STAG1: variants seen among roughly 807,000 people sequenced by gnomAD.
STAG1 encodes the protein STAG1 cohesin complex component, also known as cohesin subunit SA-1.
Under a neutral mutation model 170.9 loss-of-function variants are expected in STAG1, and 26 were observed. The observed-to-expected ratio is 0.15, with a 90% CI of 0.11 to 0.21. STAG1 has a LOEUF of 0.21. Among genes scored for constraint, STAG1 ranks in the 10% least tolerant of loss-of-function variants. The probability of loss-of-function intolerance (pLI) is 1.00; values close to 1 mark genes in which losing one functional copy is unlikely to be tolerated. For missense variants in STAG1, 964 were observed against 1,509.5 expected, an observed-to-expected ratio of 0.64 and a Z score of 5.99; for synonymous variants, 514 against 497.7, an observed-to-expected ratio of 1.03 and a Z score of -0.44.
chr3:136,563,286 G>A (rs1936916860), intron 5 of STAG1, among the ~76,000 whole-genome samples: 1 of 152,062 alleles, frequency 6.6e-6, no homozygotes, highest in African/African-American at 2.4e-5. Flanking sequence ...AGTTACGTTG[G>A]TTAGTAATTT....
chr3:136,555,947 C>A (rs1046938305), intron 5 of STAG1, among the ~76,000 whole-genome samples: 2 of 152,060 alleles, frequency 1.3e-5, no homozygotes, highest in Non-Finnish European at 2.9e-5. Flanking sequence ...GACAGGCAAT[C>A]TCACTGATAC....
chr3:136,341,726 G>C (rs959721595), intron 30 of STAG1, among the ~76,000 whole-genome samples, 175 bp from the exon 31 acceptor site: 1 of 152,202 alleles, frequency 6.6e-6, no homozygotes, highest in Non-Finnish European at 1.5e-5. Flanking sequence ...ATATCTGTAA[G>C]TCTCCAAGAG....
chr3:136,472,763 C>G (rs1399494756), intron 11 of STAG1, among the ~76,000 whole-genome samples: 2 of 152,126 alleles, frequency 1.3e-5, no homozygotes, highest in South Asian at 2.1e-4. Flanking sequence ...TTATAACAAG[C>G]TGTAAAGAAA....
At position 136,613,828 on chromosome 3, in the gene STAG1, G is replaced by A. The variant is rs72971469; in HGVS notation, c.132+9318C>T. On this transcript the variant is annotated intron_variant, in intron 3 of 33. Transcript: ENST00000383202. The stretch of plus-strand genomic sequence containing the variant: ...TTAATTTTTCTCCATTTGAATTACT[G>A]GCAATGATTCTCTCACCAGACTGGA... 7.7e-3 allele frequency among the ~76,000 whole-genome samples: 1,179 copies of A among 152,186 alleles called. 13 individuals carry two copies. Among genetic ancestry groups the A allele is most frequent in the African/African-American group, 0.027 (1,123 of 41,514 alleles).
intron 1 of STAG1, among the ~76,000 whole-genome samples, chr3:136,660,806 A>C (rs866590772): frequency 7.2e-5 from 11 of 152,034 alleles, no homozygotes; most frequent in Non-Finnish European, 1.3e-4. Flanking sequence ...AATCTCTAAA[A>C]AAAAAATAAA....
At chr3:136,659,638 C>G (rs1403635240) in intron 1 of STAG1, among the ~76,000 whole-genome samples, 1 of 152,196 alleles carries the variant, frequency 6.6e-6, no homozygotes, top group East Asian at 1.9e-4. Flanking sequence ...AAAGGAATGT[C>G]TGGTATTCTT....
At chr3:136,591,272 G>A (rs1487688692) in intron 4 of STAG1, among the ~76,000 whole-genome samples, 3 of 140,780 alleles carry the variant, frequency 2.1e-5, no homozygotes, top group Non-Finnish European at 3.1e-5. Flanking sequence ...GGGAGGAGGG[G>A]AGGAGGGAAG....
intron 22 of STAG1, among the ~76,000 whole-genome samples, chr3:136,395,279 C>T (rs977897727): frequency 5.9e-5 from 9 of 152,034 alleles, no homozygotes; most frequent in Non-Finnish European, 1.2e-4. Flanking sequence ...TCAAAGAAGT[C>T]GATTGAAGAA....
chr3:136,663,261 A>C (rs1331287745), intron 1 of STAG1, among the ~76,000 whole-genome samples: 2 of 152,170 alleles, frequency 1.3e-5, no homozygotes, highest in African/African-American at 4.8e-5. Context: ...GCTTAATATA[A>C]GCCAGGAACT....
chr3:136,455,072 A>G (rs368732377), intron 13 of STAG1, among the ~76,000 whole-genome samples: 1 of 152,226 alleles, frequency 6.6e-6, no homozygotes, highest in African/African-American at 2.4e-5. Flanking sequence ...TTTCATTTGC[A>G]TAAGAATTGG....
At chr3:136,507,267 CG>C (rs1355623437) in intron 7 of STAG1, among the ~76,000 whole-genome samples, 1 of 152,140 alleles carries the variant, frequency 6.6e-6, no homozygotes, top group African/African-American at 2.4e-5. Flanking sequence ...TTTAGAAAAA[CG>C]TAAGAAACTG....
chr3:136,693,294 C>A (rs978989893), intron 1 of STAG1, among the ~76,000 whole-genome samples: 1 of 152,158 alleles, frequency 6.6e-6, no homozygotes, highest in African/African-American at 2.4e-5. Context: ...CTGGTTGAGA[C>A]TGGTGGGGCT....
chr3:136,435,975 T>C (rs186732153), intron 15 of STAG1, among the ~76,000 whole-genome samples: 22 of 151,922 alleles, frequency 1.4e-4, no homozygotes, highest in Non-Finnish European at 1.8e-4. Context: ...GCCTGTTTTT[T>C]TTGAGACAGT....
At chr3:136,638,518 ATTTATT>A (rs1232081254) in intron 1 of STAG1, among the ~76,000 whole-genome samples, 5 of 152,218 alleles carry the variant, frequency 3.3e-5, no homozygotes, top group Non-Finnish European at 7.3e-5. Context: ...TTATGGATAT[ATTTATT>A]TTTAAGGAGA....
At chr3:136,683,819 C>A (rs771331454) in intron 1 of STAG1, among the ~76,000 whole-genome samples, 1 of 152,192 alleles carries the variant, frequency 6.6e-6, no homozygotes, top group South Asian at 2.1e-4. Flanking sequence ...GACCAAAAAA[C>A]TCTTTGAACT....
In STAG1 at chr3:136,541,538, T is replaced by TCACACACACACACACACACTCA. The variant is rs1473951429; in HGVS notation, c.471+580_471+581insTGAGTGTGTGTGTGTGTGTGTG. Among the ~76,000 whole-genome samples the TCACACACACACACACACACTCA allele has an allele frequency of 1.4e-3, 177 of 123,216 alleles. 3 individuals carry two copies. Among genetic ancestry groups the TCACACACACACACACACACTCA allele is most frequent in the Non-Finnish European group, 1.9e-3 (112 of 57,886 alleles). The allele number at this position is 123,216 out of a possible 152,430, so 80.8% of individuals were successfully genotyped here. A position where few individuals can be genotyped will look rare whatever the true frequency, so the allele number is the denominator to read the frequency against. On this transcript the variant is annotated intron_variant, in intron 6 of 33. Transcript: ENST00000383202. ...AGTATCCCAAATAGAAGCTTAACAT[T>TCACACACACACACACACACTCA]CACACACACACACACACACACACAC...
intron 6 of STAG1, among the ~76,000 whole-genome samples, chr3:136,521,667 T>G (rs916762682): frequency 2.0e-5 from 3 of 152,166 alleles, no homozygotes; most frequent in Admixed American, 1.3e-4. Flanking sequence ...AGTCTTTGGT[T>G]GAAAATAATA....
At chr3:136,636,030 C>T (rs1021594371) in intron 1 of STAG1, among the ~76,000 whole-genome samples, 7 of 151,918 alleles carry the variant, frequency 4.6e-5, no homozygotes, top group African/African-American at 1.7e-4. Flanking sequence ...GGTGGATCAC[C>T]TGAGGTCAGG....
intron 21 of STAG1, among the ~76,000 whole-genome samples, chr3:136,400,770 A>G (rs1310093223): frequency 5.3e-5 from 8 of 151,800 alleles, no homozygotes; most frequent in Admixed American, 4.6e-4. Context: ...TGTTGACCTC[A>G]TGATCCGCCC....
Sources: gnomAD v4.1 joint callset for allele counts (sites outside exome capture counted in the v4.1 genomes callset) on GRCh38, gnomAD v4.1.1 for gene constraint, MANE v1.5 for transcripts, NCBI Gene and HGNC (gene_info 2026-07-23, HGNC 2026-07-21) for gene names.